Variants in RIN2 observed in about 807,000 individuals in gnomAD.
RIN2 encodes RAB5 interacting protein 2.
In RIN2, 36 loss-of-function variants were observed where a neutral mutation model predicts 78.0. The ratio of observed to expected loss-of-function variants is 0.46; its 90% CI spans 0.35 to 0.61. RIN2 has a LOEUF of 0.61. Ranked by LOEUF, RIN2 falls within the 20% of genes least tolerant of loss-of-function variation. The pLI is 0.00. For missense variants in RIN2, 1,087 were observed against 1,159.7 expected, an observed-to-expected ratio of 0.94 and a Z score of 0.91; for synonymous variants, 466 against 466.8, an observed-to-expected ratio of 1.00 and a Z score of 0.02.
intron 2 of RIN2, among the ~76,000 whole-genome samples, chr20:19,886,040 AC>A (rs1162466253): frequency 6.6e-6 from 1 of 152,136 alleles, no homozygotes; most frequent in African/African-American, 2.4e-5. Flanking sequence ...AGAGGAGGGA[AC>A]AGGCCTGTCC....
chr20:19,918,679 G>T (rs2039784490), intron 3 of RIN2, among the ~76,000 whole-genome samples: 1 of 151,852 alleles, frequency 6.6e-6, no homozygotes, highest in Admixed American at 6.6e-5. Flanking sequence ...AACCTCTGGG[G>T]TTCTCTTTTC....
At chr20:19,996,944 T>G (rs754277174) in intron 12 of RIN2, 102 bp downstream of exon 12, 1,214 of 1,254,718 alleles carry the variant, frequency 9.7e-4, no homozygotes, top group Non-Finnish European at 1.2e-3. Context: ...GTTGAATTAT[T>G]TGGCAGGAAA....
At chr20:19,916,215 G>A (rs2039679352) in intron 3 of RIN2, among the ~76,000 whole-genome samples, 1 of 152,118 alleles carries the variant, frequency 6.6e-6, no homozygotes, top group Non-Finnish European at 1.5e-5. Context: ...ACTCCAGCCT[G>A]GTGACAGAGT....
intron 4 of RIN2, among the ~76,000 whole-genome samples, chr20:19,935,862 A>G (rs779188660): frequency 6.6e-5 from 10 of 152,186 alleles, no homozygotes; most frequent in Admixed American, 1.3e-4. Flanking sequence ...TGATGCTAAC[A>G]AGATAACAAT....
intron 2 of RIN2, among the ~76,000 whole-genome samples, chr20:19,808,780 G>C (rs916070864): frequency 6.6e-6 from 1 of 152,238 alleles, no homozygotes; most frequent in Non-Finnish European, 1.5e-5. Flanking sequence ...GGGTGGCATT[G>C]CTAGTGATGT....
At chr20:19,778,234 C>T (rs2034379135) in intron 1 of RIN2, among the ~76,000 whole-genome samples, 1 of 152,250 alleles carries the variant, frequency 6.6e-6, no homozygotes, top group Non-Finnish European at 1.5e-5. Context: ...ATTCCAGTTG[C>T]ATGAACATTT....
chr20:19,983,572 A>T (rs1411850819), intron 9 of RIN2, among the ~76,000 whole-genome samples: 2 of 151,580 alleles, frequency 1.3e-5, no homozygotes, highest in African/African-American at 4.8e-5. Context: ...GTTATCAAAC[A>T]TTAGCTTCTA....
intron 3 of RIN2, among the ~76,000 whole-genome samples, chr20:19,904,127 G>A (rs1032028112): frequency 1.3e-5 from 2 of 151,836 alleles, no homozygotes; most frequent in African/African-American, 4.8e-5. Flanking sequence ...AGCCACTCGG[G>A]AGGCTGAGGC....
rs115371794 is a variant in RIN2 at position 19,863,821 on chromosome 20, G to A, written c.-36-25745G>A. On this transcript the variant is annotated intron_variant, in intron 2 of 12. Coordinates refer to ENST00000255006, the MANE Select transcript of RIN2 (RefSeq NM_018993.4). ...TGCTGTTATAAAACTGCGGTTCATC[G>A]GTAGAAAGCAAAGATGACCATAGAT... Among the ~76,000 whole-genome samples, 237 of 152,154 alleles carry A rather than the reference G, an allele frequency of 1.6e-3. 3 individuals are homozygous for A. Among genetic ancestry groups the A allele is most frequent in the African/African-American group, 5.5e-3 (229 of 41,506 alleles).
chr20:19,892,311 G>A (rs2038508413), intron 3 of RIN2, among the ~76,000 whole-genome samples: 1 of 152,248 alleles, frequency 6.6e-6, no homozygotes, highest in South Asian at 2.1e-4. Context: ...CTGCCTCCCG[G>A]GTTCAAGCGA....
chr20:19,880,914 C>T (rs1011820421), intron 2 of RIN2, among the ~76,000 whole-genome samples: 11 of 152,104 alleles, frequency 7.2e-5, no homozygotes, highest in African/African-American at 2.2e-4. Flanking sequence ...AATAACAGAC[C>T]GAACATATGG....
At chr20:19,869,409 C>T (rs1006750021) in intron 2 of RIN2, among the ~76,000 whole-genome samples, 2 of 152,100 alleles carry the variant, frequency 1.3e-5, no homozygotes, top group East Asian at 1.9e-4. Flanking sequence ...GACGAAGCCA[C>T]GTCATCACTG....
intron 1 of RIN2, among the ~76,000 whole-genome samples, chr20:19,768,765 C>T (rs944049655): frequency 2.0e-5 from 3 of 152,242 alleles, no homozygotes; most frequent in Non-Finnish European, 4.4e-5. Flanking sequence ...AGAGGTTATG[C>T]TGGCCCACCA....
At chr20:19,785,341 A>G (rs2034642146) in intron 1 of RIN2, among the ~76,000 whole-genome samples, 2 of 152,094 alleles carry the variant, frequency 1.3e-5, no homozygotes, top group Admixed American at 6.6e-5. Flanking sequence ...CCACTAATTA[A>G]ATGTCCTAAC....
intron 1 of RIN2, among the ~76,000 whole-genome samples, chr20:19,797,603 T>C (rs902692695): frequency 1.3e-5 from 2 of 152,200 alleles, no homozygotes; most frequent in Admixed American, 6.5e-5. Flanking sequence ...TTAGAAGACA[T>C]TGTGAAGTGA....
Position 19,787,713 on chromosome 20 carries a change from A to G in RIN2, c.-162-11909A>G, listed in dbSNP as rs1228741095. 3.3e-5 allele frequency among the ~76,000 whole-genome samples: 5 copies of G among 152,332 alleles called. No individual in the cohort carries two copies. In the South Asian group the frequency reaches 6.2e-4, roughly 19 times the overall value. ...ATGTCAAGCATATACTGAGTGCTCA[A>G]TAAGTGGTAGCTAGTGCTATCATTA... is the stretch of plus-strand genomic sequence containing the variant. On this transcript the variant is annotated intron_variant, in intron 1 of 12. Transcript: ENST00000255006.
At chr20:19,913,534 A>T (rs2039562228) in intron 3 of RIN2, among the ~76,000 whole-genome samples, 1 of 152,180 alleles carries the variant, frequency 6.6e-6, no homozygotes, top group Non-Finnish European at 1.5e-5. Context: ...CCATTTCCAG[A>T]ACTCCTTTCA....
Position 19,974,705 on chromosome 20 carries a change from A to C in RIN2, c.680A>C (p.His227Pro). The change falls in exon 9 of 13, where the codon CAT becomes CCT. Residue 227 changes from histidine (H) to proline (P), a missense_variant. This residue lies in a region of RIN2 where 706 missense variants were observed against 667.5 expected (regional missense o/e 1.06). Coordinates refer to ENST00000255006, the MANE Select transcript of RIN2 (RefSeq NM_018993.4). ...AAACCCCCGAACCTTCCACCTCCCC[A>C]TAGGCCTCTTTCCTCCGACGGTGTC... ...DSKPPNLPPP[H>P]RPLSSDGVCP... The C allele has an allele frequency of 6.2e-7, 1 of 1,613,814 alleles. No homozygotes were observed. The highest frequency in any genetic ancestry group is 8.5e-7 in the Non-Finnish European group (1 of 1,179,856).
intron 2 of RIN2, among the ~76,000 whole-genome samples, chr20:19,826,997 C>A (rs1320451313): frequency 8.5e-6 from 1 of 117,806 alleles, no homozygotes; most frequent in Non-Finnish European, 1.6e-5. Context: ...TTTTTTGAGA[C>A]AGAGTTTCGC....
Sources: gnomAD v4.1 joint callset for allele counts (sites outside exome capture counted in the v4.1 genomes callset) on GRCh38, gnomAD v4.1.1 for gene constraint, gnomAD v4.1.1 regional missense constraint, MANE v1.5 for transcripts, NCBI Gene and HGNC (gene_info 2026-07-23, HGNC 2026-07-21) for gene names.